The following MYLK variants were observed in gnomAD, a reference collection of about 807,000 sequenced individuals.
The protein encoded by MYLK is myosin light chain kinase, smooth muscle.
Under a neutral mutation model 203.4 loss-of-function variants are expected in MYLK, and 106 were observed. The ratio of observed to expected loss-of-function variants is 0.52; its 90% CI spans 0.45 to 0.61. The LOEUF is 0.61. Among genes scored for constraint, MYLK ranks in the 20% least tolerant of loss-of-function variants. The probability of loss-of-function intolerance (pLI) is 0.00; values close to 1 mark genes in which losing one functional copy is unlikely to be tolerated. For missense variants in MYLK, 2,072 were observed against 2,442.3 expected (o/e 0.85, Z 3.20); for synonymous variants, 867 against 959.5 (o/e 0.90, Z 1.78).
chr3:123,805,048 A>ACAGCTCCTGCTGGACC (rs1212392020), intron 3 of MYLK, among the ~76,000 whole-genome samples: 1 of 152,144 alleles, frequency 6.6e-6, no homozygotes, highest in Non-Finnish European at 1.5e-5. Context: ...CCAGCTGTCC[A>ACAGCTCCTGCTGGACC]CAGCTCCTGC....
At chr3:123,669,707 G>A (rs886459533) in intron 20 of MYLK, among the ~76,000 whole-genome samples, 1 of 151,986 alleles carries the variant, frequency 6.6e-6, no homozygotes, top group African/African-American at 2.4e-5. Flanking sequence ...AGAAGGAACA[G>A]AGAAATGGAA....
At chr3:123,667,060 G>A in intron 21 of MYLK, 77 bp downstream of exon 21, 3 of 1,316,748 alleles carry the variant, frequency 2.3e-6, no homozygotes, top group Non-Finnish European at 3.3e-6. Context: ...ATACCCAGGT[G>A]TCAGTCTAGC....
At chr3:123,868,140 G>T (rs974278582) in intron 2 of MYLK, among the ~76,000 whole-genome samples, 2 of 152,172 alleles carry the variant, frequency 1.3e-5, no homozygotes, top group Non-Finnish European at 2.9e-5. Context: ...GGGCTGAGAG[G>T]TTGCACAGAA....
intron 3 of MYLK, among the ~76,000 whole-genome samples, chr3:123,826,429 C>T (rs564506941): frequency 3.9e-5 from 6 of 152,314 alleles, no homozygotes; most frequent in East Asian, 1.9e-4. Flanking sequence ...AGCAGACATG[C>T]CCCCCAGCCA....
intron 3 of MYLK, among the ~76,000 whole-genome samples, chr3:123,815,156 C>A (rs992866905): frequency 7.2e-5 from 11 of 152,160 alleles, no homozygotes; most frequent in African/African-American, 2.4e-4. Context: ...ACTTCAATTA[C>A]TGAGTCAGAG....
chr3:123,765,757 G>A (rs2063682988), intron 4 of MYLK, among the ~76,000 whole-genome samples: 1 of 152,112 alleles, frequency 6.6e-6, no homozygotes, highest in Non-Finnish European at 1.5e-5. Context: ...TAAAAAGGAA[G>A]GAAATGCTGA....
intron 4 of MYLK, among the ~76,000 whole-genome samples, chr3:123,779,214 G>A (rs1027473745): frequency 7.2e-5 from 11 of 152,120 alleles, no homozygotes; most frequent in Non-Finnish European, 1.3e-4. Context: ...TTGTGCCTGC[G>A]CCTGAGCAGA....
At chr3:123,775,734 T>C (rs1312567245) in intron 4 of MYLK, among the ~76,000 whole-genome samples, 2 of 152,176 alleles carry the variant, frequency 1.3e-5, no homozygotes, top group Non-Finnish European at 2.9e-5. Context: ...ACCAAGTAGT[T>C]CAACATTCGA....
chr3:123,697,524 A>G (rs1376342470), intron 18 of MYLK, among the ~76,000 whole-genome samples: 1 of 152,214 alleles, frequency 6.6e-6, no homozygotes, highest in Non-Finnish European at 1.5e-5. Context: ...ATTAACTAAG[A>G]GGTCATATAG....
At chr3:123,686,011 C>T (rs559582171) in intron 19 of MYLK, among the ~76,000 whole-genome samples, 1 of 152,310 alleles carries the variant, frequency 6.6e-6, no homozygotes, top group African/African-American at 2.4e-5. Context: ...GCCAGGGATG[C>T]GGAGCCAGCA....
intron 24 of MYLK, among the ~76,000 whole-genome samples, chr3:123,654,154 A>G (rs1053160112): frequency 4.6e-5 from 7 of 152,234 alleles, no homozygotes; most frequent in East Asian, 1.9e-4. Context: ...GACTTGCACC[A>G]TAGCTCTCAA....
chr3:123,711,210 G>A (rs6794870), intron 13 of MYLK, among the ~76,000 whole-genome samples: 2,757 of 152,252 alleles, frequency 0.018, 95 homozygotes, highest in African/African-American at 0.062. Flanking sequence ...TGGGGCAGGG[G>A]ACGGGGGGTT....
At chr3:123,812,339 AC>A (rs1201721431) in intron 3 of MYLK, among the ~76,000 whole-genome samples, 1 of 152,146 alleles carries the variant, frequency 6.6e-6, no homozygotes, top group Admixed American at 6.5e-5. Flanking sequence ...TCAGTTTAAG[AC>A]TTTGCAGTGG....
chr3:123,832,673 G>T (rs886870091), intron 2 of MYLK, among the ~76,000 whole-genome samples: 1 of 152,164 alleles, frequency 6.6e-6, no homozygotes, highest in Non-Finnish European at 1.5e-5. Context: ...AACTGGTGAG[G>T]CCCTTTTTTG....
chr3:123,824,232 G>A (rs2066036598), intron 3 of MYLK, among the ~76,000 whole-genome samples: 1 of 152,052 alleles, frequency 6.6e-6, no homozygotes, highest in African/African-American at 2.4e-5. Flanking sequence ...TGGGATTACA[G>A]GCCTACACCA....
intron 2 of MYLK, among the ~76,000 whole-genome samples, chr3:123,838,072 A>T (rs1321027298): frequency 6.6e-6 from 1 of 152,214 alleles, no homozygotes; most frequent in Non-Finnish European, 1.5e-5. Context: ...CAAAAATCTC[A>T]GAGTACTTCA....
intron 4 of MYLK, among the ~76,000 whole-genome samples, chr3:123,782,054 T>A (rs2064320201): frequency 6.6e-6 from 1 of 152,140 alleles, no homozygotes. Context: ...ATCACAGAAT[T>A]TCAGATGTTG....
rs1424321587 is a variant in MYLK, at chr3:123,752,464, C to T, written c.240G>A (p.Leu80=). The T allele has an allele frequency of 6.2e-7, 1 of 1,614,194 alleles. No individual in the cohort carries two copies. Among genetic ancestry groups the T allele is most frequent in the South Asian group, 1.1e-5 (1 of 91,086 alleles). Residue 80 remains leucine, a synonymous_variant, in exon 5 of 34, where the codon CTG becomes CTA. Transcript: ENST00000360304. ...GQPITSGGRF[L]LDCGIRGTFS... ...AAGTCCCCCGGATGCCGCAATCCAG[C>T]AGGAAGCGGCCCCCGCTGGTGATGG...
chr3:123,727,512 T>C (rs979063652), intron 11 of MYLK, among the ~76,000 whole-genome samples: 6 of 152,206 alleles, frequency 3.9e-5, no homozygotes, highest in African/African-American at 1.4e-4. Flanking sequence ...GATTTTCTTG[T>C]AAGATTGTTG....
Sources: allele counts gnomAD v4.1 joint callset (sites outside exome capture counted in the v4.1 genomes callset), GRCh38; gene constraint gnomAD v4.1.1; transcripts MANE v1.5; gene names NCBI Gene and HGNC (gene_info 2026-07-23, HGNC 2026-07-21).